Variants in TBC1D19 observed in about 807,000 individuals in gnomAD.
TBC1D19 encodes the protein TBC1 domain family member 19.
In TBC1D19, 60 loss-of-function variants were observed where a neutral mutation model predicts 89.0. The observed-to-expected ratio is 0.67, with a 90% CI of 0.55 to 0.84. TBC1D19 has a LOEUF of 0.84. Ranked by LOEUF, TBC1D19 falls within the 40% of genes least tolerant of loss-of-function variation. TBC1D19 has a pLI of 0.00. For missense variants in TBC1D19, 500 were observed against 610.8 expected (o/e 0.82, Z 1.91); for synonymous variants, 189 against 199.7 (o/e 0.95, Z 0.45).
the TBC1D19 span, among the ~76,000 whole-genome samples, chr4:26,843,925 A>G: frequency 1.3e-5 from 2 of 151,996 alleles, no homozygotes; most frequent in Non-Finnish European, 2.9e-5. Context: ...CTCTCAAACA[A>G]CCAGATCTCG....
chr4:26,686,907 G>A (rs1713861314), intron 12 of TBC1D19, among the ~76,000 whole-genome samples: 1 of 152,100 alleles, frequency 6.6e-6, no homozygotes, highest in Non-Finnish European at 1.5e-5. Flanking sequence ...GACTGTTAGA[G>A]CTATTTGACC....
intron 13 of TBC1D19, among the ~76,000 whole-genome samples, chr4:26,689,043 T>G (rs1194728052): frequency 6.6e-6 from 1 of 152,088 alleles, no homozygotes; most frequent in Non-Finnish European, 1.5e-5. Flanking sequence ...TTCTGCTTGA[T>G]TAAATGTAAA....
chr4:26,601,851 C>G (rs567479763), intron 1 of TBC1D19, among the ~76,000 whole-genome samples: 6 of 152,270 alleles, frequency 3.9e-5, no homozygotes, highest in African/African-American at 1.4e-4. Flanking sequence ...CATTTTCATG[C>G]CTTTGCTCAG....
At chr4:26,661,161 G>T (rs1489474942) in intron 8 of TBC1D19, among the ~76,000 whole-genome samples, 1 of 152,094 alleles carries the variant, frequency 6.6e-6, no homozygotes, top group African/African-American at 2.4e-5. Context: ...CAGAAGACCA[G>T]AGGTGTATTC....
chr4:26,582,560 G>T (rs1281639468), upstream of TBC1D19, among the ~76,000 whole-genome samples: 3 of 152,110 alleles, frequency 2.0e-5, no homozygotes, highest in Non-Finnish European at 4.4e-5. Flanking sequence ...CTTTCTCTCT[G>T]TTCAAAGTGA....
chr4:26,729,928 G>C (rs868093317), intron 15 of TBC1D19, among the ~76,000 whole-genome samples: 3 of 152,204 alleles, frequency 2.0e-5, no homozygotes, highest in Non-Finnish European at 4.4e-5. Context: ...ATATTTGGTA[G>C]ATGGATAAAT....
intron 7 of TBC1D19, among the ~76,000 whole-genome samples, chr4:26,653,522 G>T (rs1744558550): frequency 2.6e-5 from 4 of 152,074 alleles, no homozygotes; most frequent in Admixed American, 2.0e-4. Flanking sequence ...CTCTTTTTAG[G>T]TGTCTCAGGA....
intron 7 of TBC1D19, among the ~76,000 whole-genome samples, chr4:26,642,152 G>A (rs1303218613): frequency 6.6e-6 from 1 of 152,200 alleles, no homozygotes; most frequent in Admixed American, 6.5e-5. Flanking sequence ...TTGAAATGAA[G>A]GAAAACATGT....
chr4:26,614,523 G>A (rs1212826246), intron 3 of TBC1D19, 70 bp downstream of exon 3: 4 of 1,042,518 alleles, frequency 3.8e-6, no homozygotes, highest in Middle Eastern at 2.7e-4. Context: ...AATAAAACCA[G>A]TATTGTTATA....
intron 1 of TBC1D19, 23 bp from the exon 2 acceptor site, chr4:26,613,146 T>TTTA (rs539462287): frequency 2.7e-5 from 38 of 1,421,312 alleles, no homozygotes; most frequent in South Asian, 2.7e-5. Context: ...ATCTTTCTTT[T>TTTA]TTATTATTAT....
intron 13 of TBC1D19, among the ~76,000 whole-genome samples, chr4:26,693,957 G>A (rs1714527081): frequency 6.6e-6 from 1 of 152,160 alleles, no homozygotes; most frequent in Non-Finnish European, 1.5e-5. Context: ...CCAGTCTACA[G>A]CTCCCAGAGT....
chr4:26,609,368 A>G (rs1741220820), intron 1 of TBC1D19, among the ~76,000 whole-genome samples: 1 of 152,162 alleles, frequency 6.6e-6, no homozygotes, highest in Non-Finnish European at 1.5e-5. Context: ...GCTGAAAATT[A>G]CATTGTAATC....
At chr4:26,632,469 G>T (rs1742862673) in intron 4 of TBC1D19, among the ~76,000 whole-genome samples, 1 of 151,952 alleles carries the variant, frequency 6.6e-6, no homozygotes, top group Admixed American at 6.6e-5. Context: ...TTAAGTGGGA[G>T]TAGATCATCA....
chr4:26,634,563 A>C (rs1412123903), intron 4 of TBC1D19, among the ~76,000 whole-genome samples: 1 of 152,124 alleles, frequency 6.6e-6, no homozygotes, highest in Non-Finnish European at 1.5e-5. Context: ...AGTTAATTTT[A>C]TGCAGTTGTG....
At chr4:26,845,934 G>A in the TBC1D19 span, among the ~76,000 whole-genome samples, 1 of 152,144 alleles carries the variant, frequency 6.6e-6, no homozygotes, top group South Asian at 2.1e-4. Context: ...ATTATGGGAG[G>A]TACAATTTAA....
chr4:26,764,156 T>G, the TBC1D19 span, among the ~76,000 whole-genome samples: 2 of 152,206 alleles, frequency 1.3e-5, no homozygotes, highest in African/African-American at 4.8e-5. Context: ...TAACAAGTAT[T>G]TTAAGATATT....
chr4:26,623,987 A>G (rs978496049), intron 4 of TBC1D19, among the ~76,000 whole-genome samples: 1 of 152,122 alleles, frequency 6.6e-6, no homozygotes, highest in African/African-American at 2.4e-5. Flanking sequence ...CAAACTTTCA[A>G]TGATTATTCC....
chr4:26,735,109 T>C (rs544658857), intron 15 of TBC1D19, among the ~76,000 whole-genome samples: 1 of 149,850 alleles, frequency 6.7e-6, no homozygotes, highest in East Asian at 1.9e-4. Flanking sequence ...TATATGTATA[T>C]ATGTATACAC....
At position 26,717,953 on chromosome 4, in the gene TBC1D19, G is replaced by T; in HGVS notation, c.975G>T (p.Arg325=). Residue 325 remains arginine, a synonymous_variant, in exon 14 of 21, where the codon CGG becomes CGT. Coordinates refer to ENST00000264866, the MANE Select transcript of TBC1D19 (RefSeq NM_018317.4). ...YLYQVLLCFS[R]DTSVLSHFAF... ...TTCAGGTATTACTTTGTTTTTCCCGGGATACATCTGTGTTGAGTCACTTTG... is the reference window on the plus strand; with the variant it reads ...TTCAGGTATTACTTTGTTTTTCCCGTGATACATCTGTGTTGAGTCACTTTG... 1 of 1,611,194 alleles carries T rather than the reference G, an allele frequency of 6.2e-7. No individual in the cohort carries two copies. Among genetic ancestry groups the T allele is most frequent in the East Asian group, 2.2e-5 (1 of 44,812 alleles).
Sources: gnomAD v4.1 joint callset for allele counts (sites outside exome capture counted in the v4.1 genomes callset) on GRCh38, gnomAD v4.1.1 for gene constraint, MANE v1.5 for transcripts, NCBI Gene and HGNC (gene_info 2026-07-23, HGNC 2026-07-21) for gene names.